Variants in THUMPD2 observed in about 807,000 individuals in gnomAD.
The protein encoded by THUMPD2 is THUMP domain 2 tRNA and snRNA guanosine methyltransferase.
A neutral mutation model predicts 49.4 loss-of-function variants in THUMPD2; 56 were observed. The observed-to-expected ratio is 1.13, with a 90% confidence interval of 0.91 to 1.41. The LOEUF (loss-of-function observed/expected upper bound fraction) is 1.41. THUMPD2 is among the 40% of genes most tolerant of loss of function. THUMPD2 has a pLI of 0.00. For missense variants in THUMPD2, 709 were observed against 594.5 expected (o/e 1.19, Z -2.00); for synonymous variants, 237 against 205.2 (o/e 1.15, Z -1.32).
At chr2:39,737,431 A>G (rs1411162264) in intron 9 of THUMPD2, among the ~76,000 whole-genome samples, 1 of 152,262 alleles carries the variant, frequency 6.6e-6, no homozygotes, top group Non-Finnish European at 1.5e-5. Flanking sequence ...GGACACGAAC[A>G]AAGAAATGGC....
intron 4 of THUMPD2, among the ~76,000 whole-genome samples, chr2:39,766,409 G>T (rs1339091069): frequency 6.6e-6 from 1 of 152,008 alleles, no homozygotes; most frequent in Non-Finnish European, 1.5e-5. Flanking sequence ...ATCATAAGTG[G>T]ACCACGCTTT....
rs75776077 is a variant in THUMPD2 at position 39,772,353 on chromosome 2, C to T, written c.127-713G>A. On this transcript the variant is annotated intron_variant, in intron 1 of 9. Transcript: ENST00000505747. ...AATGGTAATGGTCAACCATTATAGA[C>T]TTTTGATGAAAACTGTGACAGCACT... Among the ~76,000 whole-genome samples, 1,501 of 152,274 alleles carry T rather than the reference C, an allele frequency of 9.9e-3. 27 individuals are homozygous for T. Among genetic ancestry groups the T allele is most frequent in the African/African-American group, 0.034 (1,414 of 41,554 alleles).
Position 39,744,395 on chromosome 2 carries a change from T to C in THUMPD2, c.1162A>G (p.Lys388Glu). 1 of 1,581,736 alleles carries C rather than the reference T, an allele frequency of 6.3e-7. No homozygotes were observed. Among genetic ancestry groups the C allele is most frequent in the Non-Finnish European group, 8.6e-7 (1 of 1,167,338 alleles). ...CTTTCCATTTCTTGTAGAATGCTTT[T>C]GATGTCTTTTCCTAACTTAAACTTT... is the stretch of plus-strand genomic sequence containing the variant. ...GKKFKLGKDI[K>E]SILQEMERVL... Residue 388 changes from lysine to glutamate, a missense_variant, in exon 9 of 10, where the codon AAA becomes GAA. By Grantham distance (56) the Lys-to-Glu change is moderately conservative. Transcript: ENST00000505747.
intron 1 of THUMPD2, among the ~76,000 whole-genome samples, chr2:39,778,693 C>A (rs1254840790): frequency 6.6e-6 from 1 of 152,208 alleles, no homozygotes; most frequent in Non-Finnish European, 1.5e-5. Context: ...TTAATTCTCA[C>A]AACAATCCTA....
Position 39,766,125 on chromosome 2 carries a change from C to G in THUMPD2, c.751-16G>C. On this transcript the variant is annotated splice_polypyrimidine_tract_variant and intron_variant, in intron 4 of 9. Transcript: ENST00000505747. ...GTATAAAGATCTGAAAGAACAAACA[C>G]AGAAGTTAGAATGGAACAAGAAACT... 6.5e-7 allele frequency: 1 copy of G among 1,548,680 alleles called. No homozygotes were observed. The highest frequency in any genetic ancestry group is 2.4e-5 in the East Asian group (1 of 41,132).
chr2:39,755,219 A>T, intron 8 of THUMPD2, 76 bp downstream of exon 8: 3 of 1,011,880 alleles, frequency 3.0e-6, no homozygotes, highest in Non-Finnish European at 4.3e-6. Context: ...ACATAGTGAG[A>T]CTTGTTTTAT....
At chr2:39,768,594 T>C in intron 3 of THUMPD2, 93 bp from the exon 4 acceptor site, 1 of 1,025,340 alleles carries the variant, frequency 9.8e-7, no homozygotes, top group South Asian at 1.4e-5. Context: ...TATAAGAAAA[T>C]CAAGTCAGGC....
intron 8 of THUMPD2, among the ~76,000 whole-genome samples, chr2:39,747,579 T>G (rs1249391394): frequency 1.3e-5 from 2 of 151,932 alleles, no homozygotes; most frequent in African/African-American, 2.4e-5. Flanking sequence ...ATTTGAAATA[T>G]TTATTATCCA....
chr2:39,737,590 T>C (rs778746376), intron 9 of THUMPD2, among the ~76,000 whole-genome samples: 3 of 152,144 alleles, frequency 2.0e-5, no homozygotes, highest in Admixed American at 6.5e-5. Flanking sequence ...GCCCTGTAAG[T>C]TGCCAAGAGA....
In THUMPD2 at chr2:39,778,984, G is replaced by T. The variant is rs537196080; in HGVS notation, c.126+130C>A. 2.9e-5 allele frequency: 35 copies of T among 1,214,862 alleles called. No individual in the cohort carries two copies. In the East Asian group the frequency reaches 8.0e-4, roughly 28 times the overall value. 75.3% of individuals were successfully genotyped at this position (1,214,862 alleles called of 1,614,324 possible). A position where few individuals can be genotyped will look rare whatever the true frequency, so the allele number is the denominator to read the frequency against. ...GCGGAAGCGCCTGCCAGTCAACCTC[G>T]GGGGTCGGCGACCGTCGCGTGGAAC... On this transcript the variant is annotated intron_variant, in intron 1 of 9. Coordinates refer to ENST00000505747, the MANE Select transcript of THUMPD2 (RefSeq NM_025264.5).
At chr2:39,764,257 A>G (rs1189456293) in intron 5 of THUMPD2, among the ~76,000 whole-genome samples, 1 of 152,232 alleles carries the variant, frequency 6.6e-6, no homozygotes. Flanking sequence ...TAGAAACAGC[A>G]GGAAAGATTT....
Position 39,769,871 on chromosome 2 carries a change from TTTC to T in THUMPD2, c.508_510del (p.Glu170del), listed in dbSNP as rs1307016670. 7 of 1,602,324 alleles carry T rather than the reference TTTC, an allele frequency of 4.4e-6. No individual in the cohort carries two copies. Among genetic ancestry groups the T allele is most frequent in the Non-Finnish European group, 5.9e-6 (7 of 1,177,014 alleles). ...GTGGTAAAATCTCTTTGCTCCAGAG[TTTC>T]TTCTTTTATTTGTTTTTCCAGCTGG... On this transcript the variant is annotated inframe_deletion, in exon 3 of 10. Transcript: ENST00000505747.
intron 6 of THUMPD2, among the ~76,000 whole-genome samples, 197 bp downstream of exon 6, chr2:39,761,134 A>G (rs1343513269): frequency 1.3e-5 from 2 of 152,192 alleles, no homozygotes; most frequent in African/African-American, 4.8e-5. Flanking sequence ...CAGAGCCAAA[A>G]TACTCTCAGA....
chr2:39,761,215 G>C, intron 6 of THUMPD2, 116 bp downstream of exon 6: 1 of 888,156 alleles, frequency 1.1e-6, no homozygotes, highest in Non-Finnish European at 1.7e-6. Flanking sequence ...AGAAGTTAAA[G>C]AAAAAGCGTC....
Position 39,770,106 on chromosome 2 carries a change from A to G in THUMPD2, c.276T>C (p.Asn92=), listed in dbSNP as rs757007442. 2 of 1,485,954 alleles carry G rather than the reference A, an allele frequency of 1.3e-6. No individual in the cohort carries two copies. Among genetic ancestry groups the G allele is most frequent in the Admixed American group, 2.7e-5 (1 of 37,514 alleles). 92.0% of individuals were successfully genotyped at this position (1,485,954 alleles called of 1,614,324 possible). ...CTTCATTTATAAGTCTTTGCATTTC[A>G]TTAAATATTTTTCCTAAATAAGAAA... ...ISSVSKGKIF[N]EMQRLINEDP... The change falls in exon 3 of 10, where the codon AAT becomes AAC. Residue 92 remains asparagine (N), a synonymous_variant. Transcript: ENST00000505747.
intron 8 of THUMPD2, among the ~76,000 whole-genome samples, chr2:39,747,446 A>C (rs937194010): frequency 6.6e-5 from 10 of 152,292 alleles, no homozygotes; most frequent in Non-Finnish European, 7.4e-5. Flanking sequence ...AAACACGCAA[A>C]ATGTAGTCTG....
intron 8 of THUMPD2, among the ~76,000 whole-genome samples, chr2:39,754,198 A>G (rs1675801827): frequency 6.6e-6 from 1 of 152,174 alleles, no homozygotes; most frequent in Non-Finnish European, 1.5e-5. Flanking sequence ...GTTTCAAAGA[A>G]ATAGCATTCT....
intron 6 of THUMPD2, chr2:39,757,494 C>CATTT: frequency 1.9e-6 from 2 of 1,054,472 alleles, no homozygotes; most frequent in Non-Finnish European, 2.5e-6. Context: ...AATTTAAATG[C>CATTT]AAATTTTGTT....
At chr2:39,760,321 G>A (rs1572828500) in intron 6 of THUMPD2, among the ~76,000 whole-genome samples, 1 of 152,088 alleles carries the variant, frequency 6.6e-6, no homozygotes, top group Non-Finnish European at 1.5e-5. Context: ...TCTTGGCAGA[G>A]GGAGTAGTTG....
Sources: allele counts gnomAD v4.1 joint callset (sites outside exome capture counted in the v4.1 genomes callset), GRCh38; gene constraint gnomAD v4.1.1; transcripts MANE v1.5; gene names NCBI Gene and HGNC (gene_info 2026-07-23, HGNC 2026-07-21).